MDGA2: variants seen among roughly 807,000 people sequenced by gnomAD.
The protein encoded by MDGA2 is MAM domain containing glycosylphosphatidylinositol anchor 2, also known as MAM domain-containing glycosylphosphatidylinositol anchor protein 2.
MDGA2 carries 40 observed loss-of-function variants against 117.8 expected under a neutral mutation model. The observed-to-expected ratio is 0.34, with a 90% confidence interval of 0.26 to 0.44. The LOEUF is 0.44. Among genes scored for constraint, MDGA2 ranks in the 20% least tolerant of loss-of-function variants. MDGA2 has a pLI of 1.00. For missense variants in MDGA2, 1,123 were observed against 1,250.6 expected, an observed-to-expected ratio of 0.90 and a Z score of 1.54; for synonymous variants, 452 against 439.0, an observed-to-expected ratio of 1.03 and a Z score of -0.37.
intron 10 of MDGA2, among the ~76,000 whole-genome samples, chr14:46,917,671 C>T (rs1057040933): frequency 6.6e-6 from 1 of 151,970 alleles, no homozygotes; most frequent in Non-Finnish European, 1.5e-5. Flanking sequence ...ACTAATTTTT[C>T]AAAAGGAACA....
At chr14:47,549,442 T>C (rs1895537208) in intron 1 of MDGA2, among the ~76,000 whole-genome samples, 1 of 151,494 alleles carries the variant, frequency 6.6e-6, no homozygotes, top group African/African-American at 2.4e-5. Context: ...GGCACTTTAC[T>C]ACCCAGAGTC....
At chr14:47,307,392 T>C (rs1009401012) in intron 1 of MDGA2, among the ~76,000 whole-genome samples, 1 of 152,102 alleles carries the variant, frequency 6.6e-6, no homozygotes, top group Non-Finnish European at 1.5e-5. Context: ...ATCAAAAAAT[T>C]TGACAGGGCC....
chr14:46,852,167 A>C (rs1197751357), intron 15 of MDGA2, among the ~76,000 whole-genome samples: 1 of 151,884 alleles, frequency 6.6e-6, no homozygotes, highest in African/African-American at 2.4e-5. Flanking sequence ...CATCAATTCA[A>C]ACTATTTACA....
At chr14:46,896,493 A>G (rs1883082671) in intron 10 of MDGA2, among the ~76,000 whole-genome samples, 1 of 152,104 alleles carries the variant, frequency 6.6e-6, no homozygotes, top group Non-Finnish European at 1.5e-5. Flanking sequence ...TGTTGGCACG[A>G]AAAAAGTAAT....
At chr14:47,385,696 T>C (rs1891740979) in intron 1 of MDGA2, among the ~76,000 whole-genome samples, 1 of 152,158 alleles carries the variant, frequency 6.6e-6, no homozygotes, top group Non-Finnish European at 1.5e-5. Context: ...TCTTTCTAAA[T>C]GTCAGGAGCA....
intron 9 of MDGA2, among the ~76,000 whole-genome samples, chr14:46,949,840 A>G (rs1844377630): frequency 1.3e-5 from 2 of 151,816 alleles, no homozygotes; most frequent in Non-Finnish European, 2.9e-5. Context: ...TTTTTATATA[A>G]TTATTTCTTT....
chr14:47,494,103 AGAAGTACAT>A (rs1894229355), intron 1 of MDGA2, among the ~76,000 whole-genome samples: 1 of 152,148 alleles, frequency 6.6e-6, no homozygotes. Context: ...TGCCATGTGA[AGAAGTACAT>A]GTTTGCTTTC....
chr14:47,104,693 C>G (rs1221517610), intron 5 of MDGA2, among the ~76,000 whole-genome samples: 6 of 151,932 alleles, frequency 3.9e-5, no homozygotes, highest in African/African-American at 1.5e-4. Flanking sequence ...GGTGCCGTGA[C>G]TCAGATCGGG....
rs1886100151 is a variant in MDGA2 at position 46,967,906 on chromosome 14, C to T, written c.1820-10263G>A. 2.6e-5 allele frequency among the ~76,000 whole-genome samples: 4 copies of T among 152,284 alleles called. No individual in the cohort carries two copies. In the South Asian group the frequency reaches 8.3e-4, roughly 32 times the overall value. On this transcript the variant is annotated intron_variant, in intron 8 of 16. Transcript: ENST00000399232. The stretch of plus-strand genomic sequence containing the variant: ...ATGTAAATATAGTCCCTCCTCTTCT[C>T]TCTTAAAATACTATAATAAGGAAAG...
chr14:47,497,070 T>C (rs1351879731), intron 1 of MDGA2, among the ~76,000 whole-genome samples: 3 of 152,078 alleles, frequency 2.0e-5, no homozygotes, highest in African/African-American at 4.8e-5. Flanking sequence ...CCTCCTGCTG[T>C]GTGGGGCCCA....
rs572262422 is a variant in MDGA2, at chr14:46,915,446, T to A, written c.2238+4566A>T. ...CATGTACCCCATAAACATGTATAAA[T>A]ATAGTGTATCAATAAGAACAGAGGG... On this transcript the variant is annotated intron_variant, in intron 10 of 16. Coordinates refer to ENST00000399232, the MANE Select transcript of MDGA2 (RefSeq NM_001113498.3). 2.0e-5 allele frequency among the ~76,000 whole-genome samples: 3 copies of A among 152,228 alleles called. No individual in the cohort carries two copies. In the East Asian group the frequency reaches 5.8e-4, roughly 29 times the overall value.
At chr14:47,460,161 TTC>T (rs1893452482) in intron 1 of MDGA2, among the ~76,000 whole-genome samples, 1 of 152,196 alleles carries the variant, frequency 6.6e-6, no homozygotes. Context: ...AAAGATTTAA[TTC>T]TCTTTTTAGA....
chr14:46,886,256 C>T lies in MDGA2; in HGVS notation c.2239-4035G>A, dbSNP rs144340247. Reference sequence around the variant, plus strand: ...CATAGAAAATGGAAAATGATCTATACCTCAATCGTTTAAGAGGTGATAATG... The same window carrying T: ...CATAGAAAATGGAAAATGATCTATATCTCAATCGTTTAAGAGGTGATAATG... On this transcript the variant is annotated intron_variant, in intron 10 of 16. Coordinates refer to ENST00000399232, the MANE Select transcript of MDGA2 (RefSeq NM_001113498.3). 3.2e-3 allele frequency among the ~76,000 whole-genome samples: 482 copies of T among 152,034 alleles called. 2 individuals carry two copies. Among genetic ancestry groups the T allele is most frequent in the African/African-American group, 0.011 (462 of 41,490 alleles).
At chr14:47,378,975 G>A (rs1414022726) in intron 1 of MDGA2, among the ~76,000 whole-genome samples, 2 of 152,098 alleles carry the variant, frequency 1.3e-5, no homozygotes, top group African/African-American at 2.4e-5. Flanking sequence ...GAGAAAGGTC[G>A]GTTACCCACA....
In MDGA2 at chr14:47,074,264, T is replaced by C. The variant is rs549442374; in HGVS notation, c.1196-12686A>G. On this transcript the variant is annotated intron_variant, in intron 6 of 16. Coordinates refer to ENST00000399232, the MANE Select transcript of MDGA2 (RefSeq NM_001113498.3). ...ATAGTAATATATAAATCACTCACTT[T>C]TAACCTCTCAATAGTTTTGATTCTC... is the stretch of plus-strand genomic sequence containing the variant. Among the ~76,000 whole-genome samples, 4 of 152,248 alleles carry C rather than the reference T, an allele frequency of 2.6e-5. No individual in the cohort carries two copies. The South Asian group carries it at 8.3e-4, about 32-fold the overall frequency.
At chr14:46,970,987 C>T (rs1276770046) in intron 8 of MDGA2, among the ~76,000 whole-genome samples, 1 of 151,652 alleles carries the variant, frequency 6.6e-6, no homozygotes, top group East Asian at 1.9e-4. Flanking sequence ...CCACAATTAC[C>T]TTACCAATTA....
chr14:47,630,170 G>A (rs1208703246), intron 1 of MDGA2, among the ~76,000 whole-genome samples: 1 of 151,730 alleles, frequency 6.6e-6, no homozygotes, highest in Admixed American at 6.6e-5. Context: ...AGTCACACAG[G>A]CACTTAATTG....
At chr14:47,287,117 C>A (rs1241476579) in intron 2 of MDGA2, among the ~76,000 whole-genome samples, 2 of 151,828 alleles carry the variant, frequency 1.3e-5, no homozygotes, top group South Asian at 2.1e-4. Flanking sequence ...TAACTAAATT[C>A]ACAGGGCTAG....
chr14:47,122,855 T>C (rs942072551), intron 5 of MDGA2, among the ~76,000 whole-genome samples: 1 of 152,052 alleles, frequency 6.6e-6, no homozygotes, highest in African/African-American at 2.4e-5. Context: ...CTTAGGAGTA[T>C]AAAAAATCCT....
Sources: gnomAD v4.1 joint callset for allele counts (sites outside exome capture counted in the v4.1 genomes callset) on GRCh38, gnomAD v4.1.1 for gene constraint, MANE v1.5 for transcripts, NCBI Gene and HGNC (gene_info 2026-07-23, HGNC 2026-07-21) for gene names.